Variants in CD44 observed in about 807,000 individuals in gnomAD.
The protein encoded by CD44 is CD44 antigen.
In CD44, 49 loss-of-function variants were observed where a neutral mutation model predicts 88.8. That is an observed-to-expected ratio of 0.55 (90% CI 0.44 to 0.70). CD44 has a LOEUF of 0.70. CD44 is among the 30% of genes least tolerant of loss of function. CD44 has a pLI of 0.00. For synonymous variants in CD44, 325 were observed against 312.3 expected, an observed-to-expected ratio of 1.04 and a Z score of -0.43; for missense variants, 883 against 913.8, an observed-to-expected ratio of 0.97 and a Z score of 0.43.
At chr11:35,218,206 C>T (rs1393485530) in intron 15 of CD44, among the ~76,000 whole-genome samples, 1 of 152,148 alleles carries the variant, frequency 6.6e-6, no homozygotes, top group African/African-American at 2.4e-5. Context: ...TTGTTCATCT[C>T]CTTATTTTGC....
intron 1 of CD44, among the ~76,000 whole-genome samples, chr11:35,149,755 A>G (rs1233732955): frequency 2.6e-5 from 4 of 152,160 alleles, no homozygotes; most frequent in Non-Finnish European, 5.9e-5. Flanking sequence ...ATAACACAAA[A>G]CCACCATAAG....
At chr11:35,147,278 G>C (rs1387099761) in intron 1 of CD44, among the ~76,000 whole-genome samples, 3 of 152,214 alleles carry the variant, frequency 2.0e-5, no homozygotes, top group African/African-American at 7.2e-5. Context: ...GGCTAGAATG[G>C]ATGAGGGAGG....
intron 3 of CD44, among the ~76,000 whole-genome samples, chr11:35,181,921 TTATATTA>T (rs1945126688): frequency 4.4e-5 from 3 of 68,176 alleles, no homozygotes; most frequent in South Asian, 3.3e-4. Flanking sequence ...ATATTATATA[TTATATTA>T]TATATAAATT....
intron 1 of CD44, among the ~76,000 whole-genome samples, chr11:35,152,891 C>CA (rs1334057745): frequency 2.6e-5 from 4 of 152,202 alleles, no homozygotes; most frequent in Non-Finnish European, 4.4e-5. Flanking sequence ...GGATAATCAT[C>CA]AGATGCTTTG....
chr11:35,181,128 G>A (rs1039736918), intron 3 of CD44, among the ~76,000 whole-genome samples: 27 of 152,312 alleles, frequency 1.8e-4, no homozygotes, highest in Admixed American at 7.8e-4. Flanking sequence ...GCTTTGGGGT[G>A]TAAGTCAAAT....
At chr11:35,151,234 G>T (rs1430670531) in intron 1 of CD44, among the ~76,000 whole-genome samples, 2 of 152,082 alleles carry the variant, frequency 1.3e-5, no homozygotes, top group Non-Finnish European at 2.9e-5. Flanking sequence ...TTGGATAAGA[G>T]AATTCATGAA....
chr11:35,201,433 G>T (rs1194146658), intron 8 of CD44, among the ~76,000 whole-genome samples: 1 of 152,118 alleles, frequency 6.6e-6, no homozygotes, highest in African/African-American at 2.4e-5. Flanking sequence ...ATGGTTTGTG[G>T]TTCTGCCTTT....
intron 1 of CD44, among the ~76,000 whole-genome samples, chr11:35,140,053 C>T (rs1399309702): frequency 6.6e-6 from 1 of 152,208 alleles, no homozygotes; most frequent in Admixed American, 6.5e-5. Context: ...ACCACTGGAC[C>T]AGCTGCTTGG....
At chr11:35,199,946 T>A (rs1223674765) in intron 7 of CD44, among the ~76,000 whole-genome samples, 1 of 149,172 alleles carries the variant, frequency 6.7e-6, no homozygotes, top group Admixed American at 6.7e-5. Context: ...TTTTTTTTTT[T>A]TTTTTTTTTT....
At chr11:35,166,098 C>T (rs1943232061) in intron 1 of CD44, among the ~76,000 whole-genome samples, 2 of 152,248 alleles carry the variant, frequency 1.3e-5, no homozygotes, top group African/African-American at 4.8e-5. Flanking sequence ...AGAGGAAAAA[C>T]CCTATTTGGG....
chr11:35,148,319 G>A (rs1859616774), intron 1 of CD44, among the ~76,000 whole-genome samples: 1 of 152,204 alleles, frequency 6.6e-6, no homozygotes, highest in African/African-American at 2.4e-5. Context: ...CAGGAAACCA[G>A]CTGACGTCAG....
chr11:35,221,745 C>A lies in CD44; in HGVS notation c.2024+13C>A. ...ACAGTCGAAGAAGGTAAGGGGCTGTCCTGGGGGCTTTCAACTTGGAAAGGG... is the reference window on the plus strand; with the variant it reads ...ACAGTCGAAGAAGGTAAGGGGCTGTACTGGGGGCTTTCAACTTGGAAAGGG... On this transcript the variant is annotated intron_variant, in intron 17 of 17. Coordinates refer to ENST00000428726, the MANE Select transcript of CD44 (RefSeq NM_000610.4). 6.2e-7 allele frequency: 1 copy of A among 1,611,256 alleles called. No homozygotes were observed. Among genetic ancestry groups the A allele is most frequent in the East Asian group, 2.2e-5 (1 of 44,870 alleles).
chr11:35,186,337 ATT>A (rs891332642), intron 3 of CD44, among the ~76,000 whole-genome samples: 1 of 152,184 alleles, frequency 6.6e-6, no homozygotes, highest in Non-Finnish European at 1.5e-5. Flanking sequence ...GTTGATAAAC[ATT>A]TGATTGTGTG....
At chr11:35,184,697 T>A (rs576613913) in intron 3 of CD44, among the ~76,000 whole-genome samples, 3 of 152,206 alleles carry the variant, frequency 2.0e-5, no homozygotes, top group Non-Finnish European at 2.9e-5. Flanking sequence ...AACATGCTCA[T>A]CTTCTTTTCT....
At chr11:35,211,054 G>A (rs1309715870) in intron 13 of CD44, among the ~76,000 whole-genome samples, 192 bp from the exon 14 acceptor site, 1 of 152,208 alleles carries the variant, frequency 6.6e-6, no homozygotes, top group Non-Finnish European at 1.5e-5. Context: ...CTCTTCTGTT[G>A]AGTGATGTCC....
At chr11:35,216,558 A>G (rs2134281677) in intron 15 of CD44, among the ~76,000 whole-genome samples, 1 of 152,332 alleles carries the variant, frequency 6.6e-6, no homozygotes, top group Non-Finnish European at 1.5e-5. Context: ...CAGAAGTCAC[A>G]GGTTCACTGG....
chr11:35,228,996 A>G, intron 17 of CD44, 133 bp from the exon 18 acceptor site: 1 of 729,362 alleles, frequency 1.4e-6, no homozygotes, highest in Middle Eastern at 3.5e-4. Flanking sequence ...GAAAACCCCT[A>G]GCACAGTGCT....
At chr11:35,208,643 C>G (rs1948117700) in intron 12 of CD44, among the ~76,000 whole-genome samples, 1 of 152,106 alleles carries the variant, frequency 6.6e-6, no homozygotes, top group African/African-American at 2.4e-5. Flanking sequence ...TCCTAGAGAT[C>G]ACATCAGTTC....
At chr11:35,176,815 C>A in intron 2 of CD44, 75 bp downstream of exon 2, 4 of 1,405,996 alleles carry the variant, frequency 2.8e-6, no homozygotes, top group Admixed American at 2.1e-5. Context: ...AACTGGAAGG[C>A]TCCTTTCCCA....
Sources: gnomAD v4.1 joint callset for allele counts (sites outside exome capture counted in the v4.1 genomes callset) on GRCh38, gnomAD v4.1.1 for gene constraint, MANE v1.5 for transcripts, NCBI Gene and HGNC (gene_info 2026-07-23, HGNC 2026-07-21) for gene names.